The following PPP3CC variants were observed in gnomAD, a reference collection of about 807,000 sequenced individuals.
PPP3CC encodes the protein protein phosphatase 3 catalytic subunit gamma.
In PPP3CC, 35 loss-of-function variants were observed where a neutral mutation model predicts 60.3. That is an observed-to-expected ratio of 0.58 (90% confidence interval 0.44 to 0.77). The LOEUF is 0.77. Among genes scored for constraint, PPP3CC ranks in the 30% least tolerant of loss-of-function variants. The probability of loss-of-function intolerance (pLI) is 0.00; values close to 1 mark genes in which losing one functional copy is unlikely to be tolerated. For missense variants in PPP3CC, 570 were observed against 628.9 expected (o/e 0.91, Z 1.00); for synonymous variants, 206 against 224.3 (o/e 0.92, Z 0.73).
Position 22,539,511 on chromosome 8 carries a change from T to TA in PPP3CC, c.1351+14dup. The TA allele has an allele frequency of 6.2e-7, 1 of 1,613,258 alleles. No individual in the cohort carries two copies. The highest frequency in any genetic ancestry group is 8.5e-7 in the Non-Finnish European group (1 of 1,179,392). Reference sequence around the variant, plus strand: ...GAGGCCCGGGAAGGTATGGCCATATTACTCTGATAGATGTGATCCATGTGT... The same window carrying TA: ...GAGGCCCGGGAAGGTATGGCCATATTAACTCTGATAGATGTGATCCATGTGT... On this transcript the variant is annotated intron_variant, in intron 13 of 13. Transcript: ENST00000240139.
intron 3 of PPP3CC, among the ~76,000 whole-genome samples, chr8:22,492,347 T>C (rs968407571): frequency 6.6e-6 from 1 of 152,146 alleles, no homozygotes; most frequent in Non-Finnish European, 1.5e-5. Flanking sequence ...GATGAGTGAA[T>C]GTGAAGGCCT....
At chr8:22,471,094 G>A in intron 1 of PPP3CC, among the ~76,000 whole-genome samples, 1 of 151,956 alleles carries the variant, frequency 6.6e-6, no homozygotes, top group Non-Finnish European at 1.5e-5. Context: ...ATTTATTTAG[G>A]GGATTTCACC....
chr8:22,511,634 T>C (rs1225676220), intron 5 of PPP3CC, among the ~76,000 whole-genome samples: 1 of 152,168 alleles, frequency 6.6e-6, no homozygotes, highest in African/African-American at 2.4e-5. Context: ...AAAATATAGA[T>C]AATGAAAAGT....
intron 3 of PPP3CC, among the ~76,000 whole-genome samples, chr8:22,483,611 A>T (rs372061040): frequency 6.6e-6 from 1 of 152,294 alleles, no homozygotes; most frequent in East Asian, 1.9e-4. Context: ...TTTTAATTAT[A>T]GCCAGCTTGA....
At chr8:22,494,288 G>A (rs1179115162) in intron 3 of PPP3CC, among the ~76,000 whole-genome samples, 2 of 152,086 alleles carry the variant, frequency 1.3e-5, no homozygotes, top group African/African-American at 4.8e-5. Flanking sequence ...ACATGGCGGT[G>A]GCAAGAATGA....
intron 3 of PPP3CC, among the ~76,000 whole-genome samples, chr8:22,488,310 G>A (rs188156433): frequency 1.4e-4 from 21 of 152,294 alleles, no homozygotes; most frequent in African/African-American, 4.6e-4. Flanking sequence ...TTATTTATAT[G>A]TGTCTACATG....
chr8:22,489,707 A>ATATAAGTATATATTATATATTATATATAT (rs1838334112), intron 3 of PPP3CC, among the ~76,000 whole-genome samples: 1 of 135,886 alleles, frequency 7.4e-6, no homozygotes, highest in Non-Finnish European at 1.5e-5. Context: ...TATATATTAT[A>ATATAAGTATATATTATATATTATATATAT]TATAAGTATA....
intron 3 of PPP3CC, among the ~76,000 whole-genome samples, chr8:22,497,549 G>T (rs928421063): frequency 4.6e-5 from 7 of 152,036 alleles, no homozygotes; most frequent in African/African-American, 7.2e-5. Flanking sequence ...ATTTTGGGGG[G>T]TTATATCTGC....
At chr8:22,467,385 T>C (rs1837574371) in intron 1 of PPP3CC, among the ~76,000 whole-genome samples, 1 of 152,116 alleles carries the variant, frequency 6.6e-6, no homozygotes, top group African/African-American at 2.4e-5. Flanking sequence ...TTGTTCTGTC[T>C]TATTTTTATG....
At chr8:22,503,270 T>G (rs145011773) in intron 4 of PPP3CC, among the ~76,000 whole-genome samples, 1 of 152,130 alleles carries the variant, frequency 6.6e-6, no homozygotes, top group Non-Finnish European at 1.5e-5. Context: ...AAATGGGAAA[T>G]ATTTTATTTT....
chr8:22,466,222 T>A (rs1189411985), intron 1 of PPP3CC, among the ~76,000 whole-genome samples: 1 of 152,234 alleles, frequency 6.6e-6, no homozygotes, highest in Non-Finnish European at 1.5e-5. Flanking sequence ...ACGTTTTCTT[T>A]ATCCAGTCTA....
intron 1 of PPP3CC, among the ~76,000 whole-genome samples, chr8:22,457,148 T>G (rs1321596659): frequency 6.7e-6 from 1 of 148,906 alleles, no homozygotes; most frequent in East Asian, 2.0e-4. Context: ...TATTGAAATA[T>G]TTCGTTAAAA....
chr8:22,524,361 G>C (rs1839485724), intron 8 of PPP3CC, among the ~76,000 whole-genome samples: 1 of 152,092 alleles, frequency 6.6e-6, no homozygotes, highest in African/African-American at 2.4e-5. Context: ...TCCGATTTGG[G>C]TCAGTCATTT....
rs1837851422 is a variant in PPP3CC, at chr8:22,475,232, C to G, written c.247+81C>G. 3 of 1,326,560 alleles carry G rather than the reference C, an allele frequency of 2.3e-6. No homozygotes were observed. In the South Asian group the frequency reaches 4.2e-5, roughly 18 times the overall value. The allele number at this position is 1,326,560 out of a possible 1,614,324, so 82.2% of individuals were successfully genotyped here. On this transcript the variant is annotated intron_variant, in intron 2 of 13. Transcript: ENST00000240139. ...TTGAGAAATAATTACAAATAACCAG[C>G]TAAAAAGTGGTGTGGTAATTTTTCT...
chr8:22,533,022 A>T lies in PPP3CC; in HGVS notation c.1321+4A>T. On this transcript the variant is annotated splice_donor_region_variant and intron_variant, in intron 12 of 13. Coordinates refer to ENST00000240139, the MANE Select transcript of PPP3CC (RefSeq NM_005605.5). ...GGCAAGCAGACTATCGAGACAGGTG[A>T]GTATGAGAGTGCTCCTCCATGGAAG... is the stretch of plus-strand genomic sequence containing the variant. The T allele has an allele frequency of 6.4e-7, 1 of 1,569,954 alleles. No homozygotes were observed. Among genetic ancestry groups the T allele is most frequent in the South Asian group, 1.1e-5 (1 of 87,114 alleles).
intron 3 of PPP3CC, among the ~76,000 whole-genome samples, chr8:22,495,003 A>G (rs1838522272): frequency 6.6e-6 from 1 of 152,126 alleles, no homozygotes. Flanking sequence ...GTGCAGTGGC[A>G]CGATCATGAT....
At position 22,533,591 on chromosome 8, in the gene PPP3CC, G is replaced by A. The variant is rs184510102; in HGVS notation, c.1321+573G>A. 3.4e-3 allele frequency among the ~76,000 whole-genome samples: 513 copies of A among 152,272 alleles called. 6 individuals are homozygous for A. Among genetic ancestry groups the A allele is most frequent in the African/African-American group, 0.011 (447 of 41,552 alleles). On this transcript the variant is annotated intron_variant, in intron 12 of 13. Coordinates refer to ENST00000240139, the MANE Select transcript of PPP3CC (RefSeq NM_005605.5). ...TGTAATCCCAGCACTTTGGGAGGCC[G>A]AGGCGGGCGGATCACCTGAGGTCAG...
At chr8:22,490,480 T>C (rs1838368104) in intron 3 of PPP3CC, among the ~76,000 whole-genome samples, 2 of 152,210 alleles carry the variant, frequency 1.3e-5, no homozygotes, top group Admixed American at 1.3e-4. Context: ...TACTTTAAGT[T>C]CTAGTGTACA....
At chr8:22,494,977 C>T (rs1370307161) in intron 3 of PPP3CC, among the ~76,000 whole-genome samples, 6 of 152,038 alleles carry the variant, frequency 3.9e-5, no homozygotes, top group Admixed American at 2.6e-4. Context: ...AGTCTCACTC[C>T]GTCACCCAGG....
Sources: gnomAD v4.1 joint callset for allele counts (sites outside exome capture counted in the v4.1 genomes callset) on GRCh38, gnomAD v4.1.1 for gene constraint, MANE v1.5 for transcripts, NCBI Gene and HGNC (gene_info 2026-07-23, HGNC 2026-07-21) for gene names.